Variants in CCSER1 observed in about 807,000 individuals in gnomAD.
CCSER1 encodes coiled-coil serine rich protein 1.
CCSER1 carries 41 observed loss-of-function variants against 82.0 expected under a neutral mutation model. The ratio of observed to expected loss-of-function variants is 0.50; its 90% CI spans 0.39 to 0.65. The LOEUF is 0.65. CCSER1 is among the 30% of genes least tolerant of loss of function. The pLI, the probability that CCSER1 is intolerant of heterozygous loss-of-function variation, is 0.00. For synonymous variants in CCSER1, 414 were observed against 383.9 expected, an observed-to-expected ratio of 1.08 and a Z score of -0.92; for missense variants, 1,119 against 1,064.2, an observed-to-expected ratio of 1.05 and a Z score of -0.72.
intron 10 of CCSER1, among the ~76,000 whole-genome samples, chr4:91,293,126 A>T (rs924222705): frequency 6.6e-6 from 1 of 151,642 alleles, no homozygotes; most frequent in Admixed American, 6.6e-5. Context: ...ATCTGGAGAC[A>T]AAAAAAATGC....
At chr4:90,904,172 ATTT>A (rs1475613445) in intron 8 of CCSER1, among the ~76,000 whole-genome samples, 2 of 151,974 alleles carry the variant, frequency 1.3e-5, no homozygotes, top group African/African-American at 4.8e-5. Flanking sequence ...GGACAATTTG[ATTT>A]ATCTTAAACT....
At chr4:91,580,620 T>C (rs998465652) in intron 10 of CCSER1, among the ~76,000 whole-genome samples, 4 of 151,674 alleles carry the variant, frequency 2.6e-5, no homozygotes, top group Admixed American at 6.6e-5. Flanking sequence ...TCCTTCAAAA[T>C]TGTGAATTAA....
chr4:91,128,068 A>G (rs1176002389), intron 10 of CCSER1, among the ~76,000 whole-genome samples: 1 of 151,854 alleles, frequency 6.6e-6, no homozygotes, highest in Non-Finnish European at 1.5e-5. Flanking sequence ...GCTCCCCCAC[A>G]TGCCACTGTG....
At chr4:90,947,531 C>T (rs1732402658) in intron 9 of CCSER1, among the ~76,000 whole-genome samples, 1 of 152,126 alleles carries the variant, frequency 6.6e-6, no homozygotes, top group Non-Finnish European at 1.5e-5. Flanking sequence ...AATATTTCTA[C>T]TTGCAATCAA....
intron 5 of CCSER1, among the ~76,000 whole-genome samples, chr4:90,570,973 A>G (rs993470137): frequency 6.6e-6 from 1 of 152,146 alleles, no homozygotes; most frequent in Non-Finnish European, 1.5e-5. Context: ...GCTAACAAAC[A>G]TATGAAAAAA....
intron 9 of CCSER1, among the ~76,000 whole-genome samples, chr4:90,999,499 T>G (rs1029579749): frequency 6.6e-6 from 1 of 152,242 alleles, no homozygotes. Context: ...GAACATTCTT[T>G]TATACATTTG....
chr4:91,343,057 T>C (rs1283979071), intron 10 of CCSER1, among the ~76,000 whole-genome samples: 2 of 152,106 alleles, frequency 1.3e-5, no homozygotes, highest in African/African-American at 4.8e-5. Flanking sequence ...GAAATCTGTG[T>C]TATATAATAC....
At chr4:90,790,205 T>A (rs2149655676) in intron 7 of CCSER1, among the ~76,000 whole-genome samples, 1 of 152,320 alleles carries the variant, frequency 6.6e-6, no homozygotes, top group East Asian at 1.9e-4. Context: ...CAGCCTTTTC[T>A]TTATAATATC....
At chr4:90,253,753 A>T (rs1459608997) in intron 1 of CCSER1, among the ~76,000 whole-genome samples, 2 of 152,122 alleles carry the variant, frequency 1.3e-5, no homozygotes, top group Admixed American at 1.3e-4. Flanking sequence ...GCATGCACAC[A>T]CTCTGGTCTT....
chr4:91,099,665 G>A lies in CCSER1; in HGVS notation c.2217+13671G>A, dbSNP rs143541245. Among the ~76,000 whole-genome samples the A allele has an allele frequency of 3.3e-3, 495 of 152,244 alleles. 1 individual carries two copies. The highest frequency in any genetic ancestry group is 0.011 in the African/African-American group (466 of 41,540). Reference sequence around the variant, plus strand: ...AGAAAGGTGGGACAACTCAAAGCAGGGGGTGGGGTGGGGACTGCTTCCAGG... The same window carrying A: ...AGAAAGGTGGGACAACTCAAAGCAGAGGGTGGGGTGGGGACTGCTTCCAGG... On this transcript the variant is annotated intron_variant, in intron 10 of 10. Coordinates refer to ENST00000509176, the MANE Select transcript of CCSER1 (RefSeq NM_001145065.2).
intron 5 of CCSER1, among the ~76,000 whole-genome samples, chr4:90,500,400 C>G (rs1239141580): frequency 6.6e-6 from 1 of 151,926 alleles, no homozygotes; most frequent in Non-Finnish European, 1.5e-5. Flanking sequence ...GGTACAATCA[C>G]AGCTCACTGC....
chr4:90,485,557 G>A (rs992499642), intron 5 of CCSER1, among the ~76,000 whole-genome samples: 11 of 151,606 alleles, frequency 7.3e-5, no homozygotes, highest in Middle Eastern at 3.4e-3. Context: ...AAAGTTTAGG[G>A]GTACATGTGC....
At chr4:90,542,502 G>A (rs1027155182) in intron 5 of CCSER1, among the ~76,000 whole-genome samples, 14 of 152,218 alleles carry the variant, frequency 9.2e-5, no homozygotes, top group East Asian at 1.9e-4. Context: ...CAATCAAGTT[G>A]TTTTGATGCA....
At chr4:90,368,617 G>A (rs1325763611) in intron 3 of CCSER1, among the ~76,000 whole-genome samples, 1 of 151,880 alleles carries the variant, frequency 6.6e-6, no homozygotes. Flanking sequence ...GGGTGACAGA[G>A]TGATACTCTG....
At chr4:91,478,282 G>A (rs1489209866) in intron 10 of CCSER1, among the ~76,000 whole-genome samples, 4 of 151,678 alleles carry the variant, frequency 2.6e-5, no homozygotes, top group African/African-American at 9.7e-5. Flanking sequence ...TAGCTGCTGG[G>A]CAATTACATT....
chr4:90,463,902 A>G (rs1468066389), intron 4 of CCSER1, among the ~76,000 whole-genome samples: 1 of 152,128 alleles, frequency 6.6e-6, no homozygotes, highest in African/African-American at 2.4e-5. Flanking sequence ...TATAAAATAT[A>G]CTGCTTTTTT....
At chr4:91,456,179 A>T (rs1223968790) in intron 10 of CCSER1, among the ~76,000 whole-genome samples, 2 of 152,008 alleles carry the variant, frequency 1.3e-5, no homozygotes, top group African/African-American at 2.4e-5. Context: ...TGCTGACCTC[A>T]TCTTGTGTCC....
At chr4:91,413,056 A>G (rs1753153770) in intron 10 of CCSER1, among the ~76,000 whole-genome samples, 1 of 152,136 alleles carries the variant, frequency 6.6e-6, no homozygotes, top group Non-Finnish European at 1.5e-5. Context: ...CCCAAACAGA[A>G]ATCCTGGAGC....
rs1043579951 is a variant in CCSER1 at position 91,601,250 on chromosome 4, A to G, written c.*2193A>G. Reference sequence around the variant, plus strand: ...TGTCATTTAATAGACATTTTAAGAGATGTTTTAAACGCTAGTATTTTCTTG... The same window carrying G: ...TGTCATTTAATAGACATTTTAAGAGGTGTTTTAAACGCTAGTATTTTCTTG... On this transcript the variant is annotated 3_prime_UTR_variant, in exon 11 of 11. Transcript: ENST00000509176. The G allele has an allele frequency of 2.0e-5, 3 of 152,074 alleles. No homozygotes were observed. Among genetic ancestry groups the G allele is most frequent in the Non-Finnish European group, 4.4e-5 (3 of 67,968 alleles). The allele number at this position is 152,074 out of a possible 1,614,324, so 9.4% of individuals were successfully genotyped here. A position where few individuals can be genotyped will look rare whatever the true frequency, so the allele number is the denominator to read the frequency against.
Sources: allele counts gnomAD v4.1 joint callset (sites outside exome capture counted in the v4.1 genomes callset), GRCh38; gene constraint gnomAD v4.1.1; transcripts MANE v1.5; gene names NCBI Gene and HGNC (gene_info 2026-07-23, HGNC 2026-07-21).